CEP290: variants seen among roughly 807,000 people sequenced by gnomAD.
CEP290 encodes the protein centrosomal protein 290, also known as centrosomal protein of 290 kDa.
In CEP290, 317 loss-of-function variants were observed where a neutral mutation model predicts 344.9. The observed-to-expected ratio is 0.92, with a 90% CI of 0.84 to 1.01. The LOEUF (loss-of-function observed/expected upper bound fraction) is 1.01, where lower values mean the gene tolerates loss of function less well. CEP290 is among the 50% of genes least tolerant of loss of function. The pLI is 0.00. For synonymous variants in CEP290, 932 were observed against 895.8 expected (o/e 1.04, Z -0.72); for missense variants, 2,754 against 2,761.4 (o/e 1.00, Z 0.06).
intron 41 of CEP290, among the ~76,000 whole-genome samples, chr12:88,072,685 T>C (rs956740482): frequency 6.6e-6 from 1 of 152,176 alleles, no homozygotes; most frequent in African/African-American, 2.4e-5. Context: ...AAGTCTTCAA[T>C]GCACATTACT....
At chr12:88,124,348 A>G (rs1252293901) in intron 13 of CEP290, among the ~76,000 whole-genome samples, 1 of 152,068 alleles carries the variant, frequency 6.6e-6, no homozygotes, top group South Asian at 2.1e-4. Flanking sequence ...CTTTGAACTT[A>G]TTCCCACTGC....
intron 27 of CEP290, among the ~76,000 whole-genome samples, chr12:88,095,358 A>G (rs1456780918): frequency 3.3e-5 from 5 of 152,174 alleles, no homozygotes; most frequent in African/African-American, 1.2e-4. Flanking sequence ...ACAAAGATAT[A>G]AGGGCAACAG....
chr12:88,059,891 G>A lies in CEP290; in HGVS notation c.6645+7C>T, dbSNP rs762527255. On this transcript the variant is annotated splice_region_variant and intron_variant, in intron 48 of 53. Coordinates refer to ENST00000552810, the MANE Select transcript of CEP290 (RefSeq NM_025114.4). ...TCAAAAGTTATAATCAGTCATAAAA[G>A]TCATACTTTTTTAAGTTCTTTACGA... is the stretch of plus-strand genomic sequence containing the variant. 2 of 1,573,552 alleles carry A rather than the reference G, an allele frequency of 1.3e-6. No individual in the cohort carries two copies. The highest frequency in any genetic ancestry group is 1.7e-4 in the Middle Eastern group (1 of 5,912).
chr12:88,079,242 C>CA lies in CEP290; in HGVS notation c.5227-14dup, dbSNP rs747878752. On this transcript the variant is annotated splice_polypyrimidine_tract_variant and intron_variant, in intron 38 of 53. Coordinates refer to ENST00000552810, the MANE Select transcript of CEP290 (RefSeq NM_025114.4). ...CCCGACTAAGTGCCTAAAAATTAACCAAAAAAAAAATGTAATTTTTAAAGG... is the reference window on the plus strand; with the variant it reads ...CCCGACTAAGTGCCTAAAAATTAACCAAAAAAAAAAATGTAATTTTTAAAGG... 6.2e-3 allele frequency: 7,381 copies of CA among 1,196,126 alleles called. No homozygotes were observed. The highest frequency in any genetic ancestry group is 0.016 in the South Asian group (984 of 61,610). 74.1% of individuals were successfully genotyped at this position (1,196,126 alleles called of 1,614,324 possible). A position where few individuals can be genotyped will look rare whatever the true frequency, so the allele number is the denominator to read the frequency against.
intron 13 of CEP290, among the ~76,000 whole-genome samples, chr12:88,123,224 C>T (rs1267675054): frequency 6.6e-6 from 1 of 152,060 alleles, no homozygotes; most frequent in Non-Finnish European, 1.5e-5. Flanking sequence ...TTTAATGGAG[C>T]TCTCCTATTA....
chr12:88,114,952 A>G (rs2038948234), intron 19 of CEP290, 146 bp downstream of exon 19: 1 of 499,078 alleles, frequency 2.0e-6, no homozygotes, highest in Non-Finnish European at 3.5e-6. Flanking sequence ...TCAACTGGAT[A>G]GTGACAGACT....
chr12:88,138,680 C>G (rs1226332197), intron 5 of CEP290, among the ~76,000 whole-genome samples: 1 of 152,190 alleles, frequency 6.6e-6, no homozygotes, highest in African/African-American at 2.4e-5. Context: ...TCCACTCATC[C>G]TCCTCTCCTA....
At chr12:88,130,713 T>C in intron 7 of CEP290, 148 bp from the exon 8 acceptor site, 2 of 544,098 alleles carry the variant, frequency 3.7e-6, no homozygotes, top group Non-Finnish European at 6.1e-6. Flanking sequence ...ACTAATTATC[T>C]ACCAAAACAA....
Position 88,129,775 on chromosome 12 carries a change from ATATTC to A in CEP290, c.766_770del (p.Glu256Ter). Reference sequence around the variant, plus strand: ...GATGCACAATAGCTTTCATTCTATTATATTCATCAGTCATCTTCTCCATTTCCTGT... The same window carrying A: ...GATGCACAATAGCTTTCATTCTATTAATCAGTCATCTTCTCCATTTCCTGT... On this transcript the variant is annotated frameshift_variant, in exon 10 of 54. Transcript: ENST00000552810. LOFTEE classifies it high-confidence loss of function. 1 of 1,484,422 alleles carries A rather than the reference ATATTC, an allele frequency of 6.7e-7. No homozygotes were observed. Among genetic ancestry groups the A allele is most frequent in the Non-Finnish European group, 9.0e-7 (1 of 1,107,088 alleles). 92.0% of individuals were successfully genotyped at this position (1,484,422 alleles called of 1,614,324 possible).
rs1339975972 is a variant in CEP290, at chr12:88,087,934, C to T, written c.4040G>A (p.Trp1347Ter). The T allele has an allele frequency of 8.6e-7, 1 of 1,165,030 alleles. No homozygotes were observed. Among genetic ancestry groups the T allele is most frequent in the Non-Finnish European group, 1.1e-6 (1 of 908,414 alleles). The allele number at this position is 1,165,030 out of a possible 1,614,324, so 72.2% of individuals were successfully genotyped here. The part of the protein sequence containing the change: ...DTKGAQKVIN[W>*]HMKIEELRLQ... ...ACGAAGTTCTTCTATTTTCATATGC[C>T]AGTTGATTACCTAAGATTTACAATT... The change falls in exon 32 of 54, where the codon TGG becomes TAG. Residue 1347 changes from tryptophan (W) to a stop codon, truncating the protein, a stop_gained. Coordinates refer to ENST00000552810, the MANE Select transcript of CEP290 (RefSeq NM_025114.4). LOFTEE classifies it high-confidence loss of function.
Position 88,121,114 on chromosome 12 carries a change from G to A in CEP290, c.1242C>T (p.Asp414=), listed in dbSNP as rs1355063246. Residue 414 remains aspartate (D), a synonymous_variant, in exon 14 of 54, where the codon GAC becomes GAT. Transcript: ENST00000552810. Reference sequence around the variant, plus strand: ...CCTCTTTAGTTTTCTCTTTTAAAATGTCTAACGTTGACTGAATTTTCATAT... The same window carrying A: ...CCTCTTTAGTTTTCTCTTTTAAAATATCTAACGTTGACTGAATTTTCATAT... ...QTHMKIQSTL[D]ILKEKTKEAE... is the part of the protein sequence containing the mutation. 2 of 1,613,282 alleles carry A rather than the reference G, an allele frequency of 1.2e-6. No homozygotes were observed. The highest frequency in any genetic ancestry group is 2.2e-5 in the South Asian group (2 of 91,046).
At chr12:88,057,786 C>T (rs1022072423) in intron 49 of CEP290, 1 of 152,122 alleles carries the variant, frequency 6.6e-6, no homozygotes, top group Non-Finnish European at 1.5e-5. Flanking sequence ...TGCAGCAGGC[C>T]CTCTGTGGGA....
intron 43 of CEP290, among the ~76,000 whole-genome samples, chr12:88,069,908 GA>G (rs2035236725): frequency 1.3e-5 from 2 of 152,130 alleles, no homozygotes; most frequent in South Asian, 4.1e-4. Context: ...CAAAGAAGAA[GA>G]AATAGCAAAT....
At position 88,050,189 on chromosome 12, in the gene CEP290, AAT is replaced by A. The variant is rs1393879640; in HGVS notation, c.7209+163_7209+164del. ...TGAGTCTGAATTTTTTGTTAACTCT[AAT>A]ATGTTAGGAATAGTCAGATGAACAT... is the stretch of plus-strand genomic sequence containing the variant. On this transcript the variant is annotated intron_variant, in intron 53 of 53. Transcript: ENST00000552810. The A allele has an allele frequency of 7.9e-6, 4 of 503,976 alleles. No individual in the cohort carries two copies. In the African/African-American group the frequency reaches 8.1e-5, roughly 10 times the overall value. The allele number at this position is 503,976 out of a possible 1,614,324, so 31.2% of individuals were successfully genotyped here. A position where few individuals can be genotyped will look rare whatever the true frequency, so the allele number is the denominator to read the frequency against.
chr12:88,120,690 A>C (rs1229220747), intron 14 of CEP290, among the ~76,000 whole-genome samples: 1 of 152,196 alleles, frequency 6.6e-6, no homozygotes, highest in African/African-American at 2.4e-5. Flanking sequence ...AAATTCTGTC[A>C]AATTGGCCAG....
At chr12:88,092,972 G>C (rs1015604178) in intron 28 of CEP290, 140 bp from the exon 29 acceptor site, 3 of 655,922 alleles carry the variant, frequency 4.6e-6, no homozygotes, top group African/African-American at 1.9e-5. Context: ...GTTAAGAACA[G>C]ACTGAAGGAG....
At chr12:88,084,490 G>T in intron 35 of CEP290, 96 bp downstream of exon 35, 3 of 1,100,670 alleles carry the variant, frequency 2.7e-6, no homozygotes, top group Non-Finnish European at 2.7e-6. Context: ...TCATTTGAAA[G>T]CAAGAAAAGA....
intron 46 of CEP290, among the ~76,000 whole-genome samples, chr12:88,061,292 T>TA (rs1208835308): frequency 6.6e-6 from 1 of 152,186 alleles, no homozygotes; most frequent in Non-Finnish European, 1.5e-5. Context: ...ATAGTCTATT[T>TA]AGCTAATGTT....
rs773445041 is a variant in CEP290 at position 88,079,115 on chromosome 12, C to G, written c.5341G>C (p.Asp1781His). Residue 1781 changes from aspartate (D) to histidine (H), a missense_variant, in exon 39 of 54, where the codon GAT (aspartate) becomes CAT (histidine). Asp to His is a moderately conservative substitution (Grantham distance 81). Transcript: ENST00000552810. ...ACCTTTAGCTCTCTAGTATGTCGATCAACGATTTGTTGAACATTGAGATGG... is the reference window on the plus strand; with the variant it reads ...ACCTTTAGCTCTCTAGTATGTCGATGAACGATTTGTTGAACATTGAGATGG... ...EAHLNVQQIV[D>H]RHTRELKTQV... is the part of the protein sequence containing the mutation. The G allele has an allele frequency of 6.3e-7, 1 of 1,591,846 alleles. No individual in the cohort carries two copies. Among genetic ancestry groups the G allele is most frequent in the East Asian group, 2.3e-5 (1 of 43,506 alleles).
Sources: gnomAD v4.1 joint callset for allele counts (sites outside exome capture counted in the v4.1 genomes callset) on GRCh38, gnomAD v4.1.1 for gene constraint, MANE v1.5 for transcripts, NCBI Gene and HGNC (gene_info 2026-07-23, HGNC 2026-07-21) for gene names.